PRKAG2: variants seen among roughly 807,000 people sequenced by gnomAD.
PRKAG2 encodes 5'-AMP-activated protein kinase subunit gamma-2.
PRKAG2 carries 26 observed loss-of-function variants against 69.6 expected under a neutral mutation model. The ratio of observed to expected loss-of-function variants is 0.37; its 90% CI spans 0.27 to 0.52. The LOEUF is 0.52. Among genes scored for constraint, PRKAG2 ranks in the 20% least tolerant of loss-of-function variants. The probability of loss-of-function intolerance (pLI) is 0.90; values close to 1 mark genes in which losing one functional copy is unlikely to be tolerated. For synonymous variants in PRKAG2, 293 were observed against 285.0 expected (o/e 1.03, Z -0.28); for missense variants, 557 against 740.0 (o/e 0.75, Z 2.87).
rs73728230 is a variant in PRKAG2 at position 151,663,098 on chromosome 7, C to T, written c.684+12322G>A. On this transcript the variant is annotated intron_variant, in intron 4 of 15. Coordinates refer to ENST00000287878, the MANE Select transcript of PRKAG2 (RefSeq NM_016203.4). Reference sequence around the variant, plus strand: ...TAAAAAACAAAACAAAACAAAAAAACGACACAAATCTGAACAAGTCCCTCC... The same window carrying T: ...TAAAAAACAAAACAAAACAAAAAAATGACACAAATCTGAACAAGTCCCTCC... 7.9e-3 allele frequency among the ~76,000 whole-genome samples: 1,207 copies of T among 152,134 alleles called. 15 individuals carry two copies. The highest frequency in any genetic ancestry group is 0.027 in the African/African-American group (1,129 of 41,504).
intron 1 of PRKAG2, among the ~76,000 whole-genome samples, chr7:151,803,873 G>C (rs2077966088): frequency 6.7e-6 from 1 of 150,280 alleles, no homozygotes; most frequent in South Asian, 2.1e-4. Flanking sequence ...GGGAGGCAGA[G>C]GTTGCAGTGA....
chr7:151,602,285 A>T (rs916044809), intron 5 of PRKAG2, among the ~76,000 whole-genome samples: 4 of 152,242 alleles, frequency 2.6e-5, no homozygotes, highest in African/African-American at 9.6e-5. Flanking sequence ...GAGGGAGGCT[A>T]AGTATAGTAA....
At chr7:151,722,495 C>G (rs972704098) in intron 3 of PRKAG2, among the ~76,000 whole-genome samples, 1 of 152,274 alleles carries the variant, frequency 6.6e-6, no homozygotes, top group South Asian at 2.1e-4. Context: ...CTTACCCCAG[C>G]TCCCTCCCCA....
At chr7:151,577,481 C>T (rs914742991) in intron 6 of PRKAG2, among the ~76,000 whole-genome samples, 5 of 152,062 alleles carry the variant, frequency 3.3e-5, no homozygotes, top group African/African-American at 9.7e-5. Context: ...TTTGTAGATG[C>T]TAAATAAGCC....
At chr7:151,667,493 GCCTAAT>G (rs1435907793) in intron 4 of PRKAG2, among the ~76,000 whole-genome samples, 1 of 152,192 alleles carries the variant, frequency 6.6e-6, no homozygotes, top group Non-Finnish European at 1.5e-5. Flanking sequence ...ATAGAGGTGT[GCCTAAT>G]CCTCCACTTC....
chr7:151,672,235 G>A (rs2151465653), intron 4 of PRKAG2, among the ~76,000 whole-genome samples: 1 of 152,178 alleles, frequency 6.6e-6, no homozygotes, highest in South Asian at 2.1e-4. Context: ...CCAAGTAGCT[G>A]GGATTACAGG....
intron 3 of PRKAG2, among the ~76,000 whole-genome samples, chr7:151,698,410 G>T (rs371277817): frequency 1.4e-3 from 220 of 152,040 alleles, no homozygotes; most frequent in Non-Finnish European, 2.6e-3. Flanking sequence ...CGAATCTCAT[G>T]TTGAAATGCG....
intron 1 of PRKAG2, among the ~76,000 whole-genome samples, chr7:151,855,510 A>G (rs1008511193): frequency 3.0e-5 from 1 of 33,114 alleles, no homozygotes; most frequent in Admixed American, 3.3e-4. Flanking sequence ...CTCCACACAC[A>G]CCGCCCTCCA....
intron 5 of PRKAG2, among the ~76,000 whole-genome samples, chr7:151,607,245 TA>T (rs903043504): frequency 6.6e-6 from 1 of 152,192 alleles, no homozygotes; most frequent in African/African-American, 2.4e-5. Flanking sequence ...TTTCTCCTAT[TA>T]AAAACAAATC....
intron 3 of PRKAG2, among the ~76,000 whole-genome samples, chr7:151,749,108 A>C (rs2074497007): frequency 6.8e-6 from 1 of 146,652 alleles, no homozygotes; most frequent in Non-Finnish European, 1.5e-5. Context: ...GCTCACTGCA[A>C]AGCAGAAGAG....
At chr7:151,809,983 C>T (rs2078332211) in intron 1 of PRKAG2, 1 of 152,276 alleles carries the variant, frequency 6.6e-6, no homozygotes, top group Non-Finnish European at 1.5e-5. Flanking sequence ...AAGAAAGAGC[C>T]CCACACCCAC....
chr7:151,710,090 G>C (rs992623237), intron 3 of PRKAG2, among the ~76,000 whole-genome samples: 1 of 152,160 alleles, frequency 6.6e-6, no homozygotes, highest in Non-Finnish European at 1.5e-5. Context: ...CTTCAGCTCA[G>C]TTCCAAGTCG....
intron 13 of PRKAG2, 131 bp downstream of exon 13, chr7:151,565,215 T>G: frequency 1.3e-6 from 1 of 754,104 alleles, no homozygotes; most frequent in South Asian, 2.2e-5. Flanking sequence ...TATAAAATTC[T>G]GATAATATCC....
At chr7:151,874,703 T>C (rs890824634) in intron 1 of PRKAG2, among the ~76,000 whole-genome samples, 2 of 152,156 alleles carry the variant, frequency 1.3e-5, no homozygotes, top group African/African-American at 4.8e-5. Flanking sequence ...TTGGGCAACA[T>C]GGTAAAACCT....
intron 1 of PRKAG2, among the ~76,000 whole-genome samples, chr7:151,865,346 G>A (rs1384070131): frequency 2.0e-5 from 3 of 152,260 alleles, no homozygotes; most frequent in East Asian, 1.9e-4. Flanking sequence ...CCCAGAGATC[G>A]GCCAAGCCAG....
At position 151,777,389 on chromosome 7, in the gene PRKAG2, C is replaced by T. The variant is rs559555271; in HGVS notation, c.466+3763G>A. 3.8e-4 allele frequency among the ~76,000 whole-genome samples: 58 copies of T among 152,270 alleles called. No homozygotes were observed. Among genetic ancestry groups the T allele is most frequent in the African/African-American group, 1.2e-3 (48 of 41,548 alleles). On this transcript the variant is annotated intron_variant, in intron 3 of 15. Coordinates refer to ENST00000287878, the MANE Select transcript of PRKAG2 (RefSeq NM_016203.4). The surrounding 1 kb of genome is among the most constrained non-coding windows in gnomAD (Gnocchi z 4.3). ...CGCTCTCAGGTTGAAATTGGATCCC[C>T]GGTGTTGGAGGTGGGGCCCCGTGGG...
chr7:151,625,843 G>T (rs1822742734), intron 5 of PRKAG2, among the ~76,000 whole-genome samples: 2 of 152,218 alleles, frequency 1.3e-5, no homozygotes, highest in Admixed American at 1.3e-4. Flanking sequence ...GTGGAGGAGG[G>T]CACGACCTCC....
chr7:151,669,826 A>C (rs1831594386), intron 4 of PRKAG2, among the ~76,000 whole-genome samples: 1 of 98,978 alleles, frequency 1.0e-5, no homozygotes, highest in Non-Finnish European at 2.0e-5. Flanking sequence ...ACACCTGTGC[A>C]CCTGCAGGCA....
intron 3 of PRKAG2, among the ~76,000 whole-genome samples, chr7:151,766,081 A>G (rs2075718709): frequency 6.6e-6 from 1 of 152,222 alleles, no homozygotes; most frequent in South Asian, 2.1e-4. Flanking sequence ...GACTCAATTC[A>G]TCTCCTTTAT....
Sources: allele counts gnomAD v4.1 joint callset (sites outside exome capture counted in the v4.1 genomes callset), GRCh38; gene constraint gnomAD v4.1.1; non-coding constraint Gnocchi (gnomAD v3.1); transcripts MANE v1.5; gene names NCBI Gene and HGNC (gene_info 2026-07-23, HGNC 2026-07-21).